Variants in KCNQ5 observed in about 807,000 individuals in gnomAD.
KCNQ5 encodes potassium voltage-gated channel subfamily KQT member 5.
In KCNQ5, 30 loss-of-function variants were observed where a neutral mutation model predicts 98.2. The ratio of observed to expected loss-of-function variants is 0.31; its 90% confidence interval spans 0.23 to 0.41. The LOEUF (loss-of-function observed/expected upper bound fraction) is 0.41. Ranked by LOEUF, KCNQ5 falls within the 10% of genes least tolerant of loss-of-function variation. The probability of loss-of-function intolerance (pLI) is 1.00; values close to 1 mark genes in which losing one functional copy is unlikely to be tolerated. For synonymous variants in KCNQ5, 458 were observed against 449.4 expected (o/e 1.02, Z -0.24); for missense variants, 835 against 1,182.5 (o/e 0.71, Z 4.31).
intron 6 of KCNQ5, 139 bp downstream of exon 6, chr6:73,105,506 C>G (rs1774963929): frequency 2.2e-6 from 1 of 449,276 alleles, no homozygotes; most frequent in Admixed American, 4.0e-5. Flanking sequence ...GTTGACTTTT[C>G]TAAATATATC....
At chr6:73,087,997 CTTG>C (rs1774059607) in intron 5 of KCNQ5, among the ~76,000 whole-genome samples, 1 of 147,620 alleles carries the variant, frequency 6.8e-6, no homozygotes, top group African/African-American at 2.5e-5. Flanking sequence ...GCTCATTGTC[CTTG>C]TTTTCTTTTT....
At chr6:72,788,224 A>G (rs9446754) in intron 1 of KCNQ5, among the ~76,000 whole-genome samples, 16,915 of 152,232 alleles carry the variant, frequency 0.11, 1,077 homozygotes, top group African/African-American at 0.18. Context: ...CTTACAGACT[A>G]TAAATAATGA....
chr6:72,853,609 G>A (rs776445374), intron 1 of KCNQ5, among the ~76,000 whole-genome samples: 8 of 152,142 alleles, frequency 5.3e-5, no homozygotes, highest in Non-Finnish European at 1.2e-4. Flanking sequence ...TTGAATGTAG[G>A]CCAGCAAATA....
intron 5 of KCNQ5, among the ~76,000 whole-genome samples, chr6:73,092,115 GT>G (rs777960312): frequency 1.3e-5 from 2 of 148,886 alleles, no homozygotes; most frequent in Admixed American, 1.3e-4. Context: ...GTTTCGTTTT[GT>G]TTTGTTTTTT....
At chr6:72,823,351 T>G (rs1296686225) in intron 1 of KCNQ5, among the ~76,000 whole-genome samples, 1 of 152,144 alleles carries the variant, frequency 6.6e-6, no homozygotes, top group Non-Finnish European at 1.5e-5. Flanking sequence ...CTGACTTCTT[T>G]ACACTGATTA....
intron 1 of KCNQ5, among the ~76,000 whole-genome samples, chr6:72,742,629 A>T (rs1771189697): frequency 6.6e-6 from 1 of 152,192 alleles, no homozygotes; most frequent in African/African-American, 2.4e-5. Context: ...AATACTCTTT[A>T]TATAAAATGC....
chr6:72,623,008 T>C (rs1312062448), intron 1 of KCNQ5, among the ~76,000 whole-genome samples: 2 of 151,492 alleles, frequency 1.3e-5, no homozygotes, highest in Non-Finnish European at 1.5e-5. Flanking sequence ...TAGGAGGTGA[T>C]GGCGGGGTAG....
intron 13 of KCNQ5, among the ~76,000 whole-genome samples, chr6:73,193,682 A>T (rs1765683085): frequency 6.6e-6 from 1 of 151,654 alleles, no homozygotes; most frequent in African/African-American, 2.4e-5. Flanking sequence ...TTGTACCTTT[A>T]TTTTTTTATG....
chr6:72,941,715 T>TTCTCC (rs1766320986), intron 1 of KCNQ5, among the ~76,000 whole-genome samples: 16 of 23,412 alleles, frequency 6.8e-4, no homozygotes, highest in Non-Finnish European at 1.1e-3. Context: ...TTTCTTTCTT[T>TTCTCC]CTTTCTTTCT....
chr6:72,679,368 A>G (rs1247105750), intron 1 of KCNQ5, among the ~76,000 whole-genome samples: 1 of 152,170 alleles, frequency 6.6e-6, no homozygotes, highest in Non-Finnish European at 1.5e-5. Context: ...TGTGGCACAT[A>G]TACACCATGG....
At position 73,198,098 on chromosome 6, in the gene KCNQ5, C is replaced by A. The variant is rs540136428; in HGVS notation, c.*2684C>A. 1 of 152,276 alleles carries A rather than the reference C, an allele frequency of 6.6e-6. No homozygotes were observed. The highest frequency in any genetic ancestry group is 2.4e-5 in the African/African-American group (1 of 41,566). 9.4% of individuals were successfully genotyped at this position (152,276 alleles called of 1,614,324 possible). A position where few individuals can be genotyped will look rare whatever the true frequency, so the allele number is the denominator to read the frequency against. On this transcript the variant is annotated 3_prime_UTR_variant, in exon 14 of 14. Coordinates refer to ENST00000370398, the MANE Select transcript of KCNQ5 (RefSeq NM_019842.4). ...AAATGAGAGGGGTCTCCCATTTACA[C>A]TAAGCAAATTTCCATTGGTCAATTT...
intron 1 of KCNQ5, among the ~76,000 whole-genome samples, chr6:72,970,762 T>A (rs1305602797): frequency 6.6e-6 from 1 of 152,180 alleles, no homozygotes; most frequent in Non-Finnish European, 1.5e-5. Flanking sequence ...GATTCCCTAT[T>A]TAACAGATGG....
At chr6:72,871,287 T>G (rs1213309603) in intron 1 of KCNQ5, among the ~76,000 whole-genome samples, 1 of 152,236 alleles carries the variant, frequency 6.6e-6, no homozygotes, top group Non-Finnish European at 1.5e-5. Context: ...TTTTAATTTT[T>G]TGGTTCACCA....
At chr6:72,767,644 T>C (rs1331383776) in intron 1 of KCNQ5, among the ~76,000 whole-genome samples, 1 of 152,008 alleles carries the variant, frequency 6.6e-6, no homozygotes, top group African/African-American at 2.4e-5. Context: ...CTCAATAGTA[T>C]AAAGACATTT....
chr6:72,911,358 C>T (rs959478376), intron 1 of KCNQ5, among the ~76,000 whole-genome samples: 5 of 152,102 alleles, frequency 3.3e-5, no homozygotes, highest in South Asian at 2.1e-4. Flanking sequence ...CCTCTCTTTC[C>T]GCCATGTGAG....
intron 10 of KCNQ5, among the ~76,000 whole-genome samples, chr6:73,151,058 T>C (rs1777129303): frequency 1.3e-5 from 2 of 152,186 alleles, no homozygotes; most frequent in Admixed American, 1.3e-4. Context: ...TGCAAGATGT[T>C]ACCATTGTAG....
At chr6:73,157,093 G>A (rs2150488199) in intron 10 of KCNQ5, among the ~76,000 whole-genome samples, 1 of 152,322 alleles carries the variant, frequency 6.6e-6, no homozygotes, top group South Asian at 2.1e-4. Context: ...GTGACAGCGT[G>A]AAAACAAACT....
intron 1 of KCNQ5, among the ~76,000 whole-genome samples, chr6:72,916,549 G>A (rs1416333392): frequency 1.3e-5 from 2 of 152,090 alleles, no homozygotes; most frequent in South Asian, 2.1e-4. Flanking sequence ...AAGCACTATC[G>A]GAGAAGAAAA....
At chr6:72,742,443 C>A (rs1329442441) in intron 1 of KCNQ5, among the ~76,000 whole-genome samples, 1 of 152,164 alleles carries the variant, frequency 6.6e-6, no homozygotes, top group East Asian at 1.9e-4. Context: ...CCTCTTTCTA[C>A]TGCTATTTAT....
Sources: allele counts gnomAD v4.1 joint callset (sites outside exome capture counted in the v4.1 genomes callset), GRCh38; gene constraint gnomAD v4.1.1; transcripts MANE v1.5; gene names NCBI Gene and HGNC (gene_info 2026-07-23, HGNC 2026-07-21).